The following ADK variants were observed in gnomAD, a reference collection of about 807,000 sequenced individuals.
ADK encodes the protein N6,N6-dimethyladenosine kinase.
In ADK, 24 loss-of-function variants were observed where a neutral mutation model predicts 44.7. The ratio of observed to expected loss-of-function variants is 0.54; its 90% CI spans 0.39 to 0.76. The LOEUF is 0.76. Among genes scored for constraint, ADK ranks in the 30% least tolerant of loss-of-function variants. The pLI is 0.00. For synonymous variants in ADK, 128 were observed against 142.6 expected (o/e 0.90, Z 0.73); for missense variants, 321 against 425.1 (o/e 0.76, Z 2.15).
chr10:74,229,502 A>G (rs1278757718), intron 3 of ADK, among the ~76,000 whole-genome samples: 1 of 143,758 alleles, frequency 7.0e-6, no homozygotes, highest in African/African-American at 2.6e-5. Flanking sequence ...GGTTCACGCC[A>G]TTCTCCTGCC....
chr10:74,531,251 C>T (rs1000654203), intron 7 of ADK, among the ~76,000 whole-genome samples: 1 of 152,204 alleles, frequency 6.6e-6, no homozygotes, highest in Non-Finnish European at 1.5e-5. Context: ...TCGTAATTCA[C>T]GAGGCTTCAA....
chr10:74,631,753 G>GT (rs1853432672), intron 9 of ADK, among the ~76,000 whole-genome samples: 3 of 152,104 alleles, frequency 2.0e-5, no homozygotes, highest in South Asian at 2.1e-4. Context: ...TTTTAATTAA[G>GT]TTTTTTAAAT....
intron 7 of ADK, among the ~76,000 whole-genome samples, chr10:74,548,458 C>T (rs1849915566): frequency 6.6e-6 from 1 of 152,048 alleles, no homozygotes; most frequent in Non-Finnish European, 1.5e-5. Flanking sequence ...ACAGGATGCC[C>T]ATTTAAATTT....
At chr10:74,625,937 A>G (rs1853184844) in intron 9 of ADK, among the ~76,000 whole-genome samples, 1 of 152,322 alleles carries the variant, frequency 6.6e-6, no homozygotes, top group African/African-American at 2.4e-5. Flanking sequence ...TAAAATGTGT[A>G]GTTGATACTA....
At chr10:74,635,675 G>T (rs577888904) in intron 9 of ADK, among the ~76,000 whole-genome samples, 1 of 152,130 alleles carries the variant, frequency 6.6e-6, no homozygotes, top group East Asian at 1.9e-4. Flanking sequence ...TACGTTGGCT[G>T]CAGGCTAGAC....
At chr10:74,231,964 T>C (rs189942748) in intron 3 of ADK, among the ~76,000 whole-genome samples, 6 of 146,742 alleles carry the variant, frequency 4.1e-5, no homozygotes, top group African/African-American at 1.5e-4. Flanking sequence ...TTTGTTTGTC[T>C]TTTTTTTTTT....
At chr10:74,668,625 A>C (rs1270032742) in intron 9 of ADK, among the ~76,000 whole-genome samples, 1 of 152,222 alleles carries the variant, frequency 6.6e-6, no homozygotes, top group African/African-American at 2.4e-5. Flanking sequence ...AATCCCAGCT[A>C]CTTGGGAGGC....
intron 3 of ADK, among the ~76,000 whole-genome samples, chr10:74,231,051 A>T (rs761211660): frequency 5.3e-5 from 8 of 152,170 alleles, no homozygotes; most frequent in Non-Finnish European, 8.8e-5. Context: ...CAGAGAACTC[A>T]TTAGTTAATT....
intron 10 of ADK, among the ~76,000 whole-genome samples, chr10:74,671,038 T>TAAAAAAAAAAAAAAAAAA (rs10670267): frequency 5.0e-5 from 5 of 99,110 alleles, no homozygotes; most frequent in East Asian, 3.1e-4. Flanking sequence ...CAGGTTAATT[T>TAAAAAAAAAAAAAAAAAA]AAAAAAAAAA....
At chr10:74,242,078 C>T (rs1346440276) in intron 3 of ADK, among the ~76,000 whole-genome samples, 2 of 152,188 alleles carry the variant, frequency 1.3e-5, no homozygotes, top group African/African-American at 4.8e-5. Flanking sequence ...ATATTATGAA[C>T]ATTTTCCACC....
At chr10:74,331,292 A>ATT (rs563882800) in intron 4 of ADK, among the ~76,000 whole-genome samples, 2 of 151,398 alleles carry the variant, frequency 1.3e-5, no homozygotes, top group African/African-American at 4.9e-5. Context: ...ACCTGTTTTG[A>ATT]TTTTTTTTTC....
In ADK at chr10:74,151,349, C is replaced by G. The variant is rs1241408429; in HGVS notation, c.65+6C>G. 6.5e-7 allele frequency: 1 copy of G among 1,549,470 alleles called. No homozygotes were observed. Among genetic ancestry groups the G allele is most frequent in the East Asian group, 2.4e-5 (1 of 40,922 alleles). ...GAGGCGCCGCAAGCGCTGAGGTGAG[C>G]GCTGCCGGACTTGGGGAGGAGGGTG... is the stretch of plus-strand genomic sequence containing the variant. On this transcript the variant is annotated splice_donor_region_variant and intron_variant, in intron 1 of 10. Coordinates refer to ENST00000539909, the MANE Select transcript of ADK (RefSeq NM_006721.4).
At chr10:74,267,790 G>GTGTGTGTGTGTGTGTC (rs35081179) in intron 3 of ADK, among the ~76,000 whole-genome samples, 310 of 145,680 alleles carry the variant, frequency 2.1e-3, no homozygotes, top group African/African-American at 7.2e-3. Flanking sequence ...GTGTGTGTGT[G>GTGTGTGTGTGTGTGTC]TGTCTGTCTG....
chr10:74,648,662 G>T (rs1481064549), intron 9 of ADK, among the ~76,000 whole-genome samples: 3 of 151,700 alleles, frequency 2.0e-5, no homozygotes, highest in Non-Finnish European at 4.4e-5. Context: ...TGGTGACAAA[G>T]CGAGACTCCA....
At chr10:74,460,730 G>T (rs1198805172) in intron 6 of ADK, among the ~76,000 whole-genome samples, 1 of 152,106 alleles carries the variant, frequency 6.6e-6, no homozygotes, top group Non-Finnish European at 1.5e-5. Flanking sequence ...GACTTGAAAG[G>T]TTGTTTTTGT....
intron 3 of ADK, among the ~76,000 whole-genome samples, chr10:74,248,739 G>A (rs764328875): frequency 1.3e-5 from 2 of 152,218 alleles, no homozygotes; most frequent in Non-Finnish European, 2.9e-5. Context: ...TTTAGCAGAT[G>A]TATTCTACTT....
chr10:74,493,402 T>TAC (rs35630116), intron 6 of ADK, among the ~76,000 whole-genome samples: 5,498 of 151,204 alleles, frequency 0.036, 308 homozygotes, highest in African/African-American at 0.12. Context: ...CATACATACA[T>TAC]ACACACATCT....
intron 3 of ADK, among the ~76,000 whole-genome samples, chr10:74,290,201 C>CT (rs1847357346): frequency 1.3e-5 from 2 of 152,006 alleles, no homozygotes; most frequent in African/African-American, 4.8e-5. Flanking sequence ...TTCTTTGTCT[C>CT]TGAGAGTTAG....
intron 6 of ADK, among the ~76,000 whole-genome samples, chr10:74,443,419 T>G (rs995155934): frequency 1.3e-5 from 2 of 152,148 alleles, no homozygotes; most frequent in Non-Finnish European, 2.9e-5. Context: ...CTTTAAAACA[T>G]TGTGCTAAGT....
Sources: allele counts gnomAD v4.1 joint callset (sites outside exome capture counted in the v4.1 genomes callset), GRCh38; gene constraint gnomAD v4.1.1; transcripts MANE v1.5; gene names NCBI Gene and HGNC (gene_info 2026-07-23, HGNC 2026-07-21).